The following CHSY1 variants were observed in gnomAD, a reference collection of about 807,000 sequenced individuals.
CHSY1 encodes the protein chondroitin sulfate synthase 1, also known as N-acetylgalactosaminyl-proteoglycan 3-beta-glucuronosyltransferase 1.
In CHSY1, 13 loss-of-function variants were observed where a neutral mutation model predicts 59.8. The ratio of observed to expected loss-of-function variants is 0.22; its 90% CI spans 0.14 to 0.35. The LOEUF is 0.35. CHSY1 is among the 10% of genes least tolerant of loss of function. The pLI, the probability that CHSY1 is intolerant of heterozygous loss-of-function variation, is 1.00. For missense variants in CHSY1, 947 were observed against 1,030.6 expected (o/e 0.92, Z 1.11); for synonymous variants, 459 against 401.2 (o/e 1.14, Z -1.72).
chr15:101,217,666 G>A (rs762629099), intron 2 of CHSY1, among the ~76,000 whole-genome samples: 28 of 152,070 alleles, frequency 1.8e-4, no homozygotes, highest in Non-Finnish European at 3.5e-4. Flanking sequence ...GACAAAGGTG[G>A]AACAAGTTTA....
At chr15:101,240,556 G>C (rs1039066888) in intron 1 of CHSY1, among the ~76,000 whole-genome samples, 1 of 152,234 alleles carries the variant, frequency 6.6e-6, no homozygotes, top group African/African-American at 2.4e-5. Context: ...GCTGAAACTT[G>C]AGAGTGCCAA....
chr15:101,208,726 AAAG>A (rs1235143460), intron 2 of CHSY1, among the ~76,000 whole-genome samples: 1 of 151,824 alleles, frequency 6.6e-6, no homozygotes, highest in Non-Finnish European at 1.5e-5. Context: ...AAAAAAAAAA[AAAG>A]AGATACAGAA....
chr15:101,250,586 T>C (rs2039096761), intron 1 of CHSY1, among the ~76,000 whole-genome samples: 1 of 152,254 alleles, frequency 6.6e-6, no homozygotes, highest in Non-Finnish European at 1.5e-5. Flanking sequence ...TCTCTCTCTG[T>C]ACTCAACAGA....
At chr15:101,194,149 G>A (rs1186915997) in intron 2 of CHSY1, among the ~76,000 whole-genome samples, 3 of 152,206 alleles carry the variant, frequency 2.0e-5, no homozygotes, top group East Asian at 1.9e-4. Flanking sequence ...GAGCGCCTTC[G>A]GCAGGAAAGC....
At chr15:101,239,666 G>C (rs977649416) in intron 1 of CHSY1, among the ~76,000 whole-genome samples, 8 of 152,238 alleles carry the variant, frequency 5.3e-5, no homozygotes, top group African/African-American at 1.9e-4. Context: ...ACGTGGACTA[G>C]TCAGTCTCAG....
chr15:101,177,131 TAA>T lies in CHSY1; in HGVS notation c.*255_*256del. 2.6e-6 allele frequency: 1 copy of T among 386,146 alleles called. No individual in the cohort carries two copies. The highest frequency in any genetic ancestry group is 4.6e-6 in the Non-Finnish European group (1 of 215,282). The allele number at this position is 386,146 out of a possible 1,614,324, so 23.9% of individuals were successfully genotyped here. A position where few individuals can be genotyped will look rare whatever the true frequency, so the allele number is the denominator to read the frequency against. On this transcript the variant is annotated 3_prime_UTR_variant, in exon 3 of 3. Transcript: ENST00000254190. ...AGGGTCTCAAAAGAAAACATTTTTT[TAA>T]AAAAGTTTTGTTCATCAGGTACATT...
intron 2 of CHSY1, among the ~76,000 whole-genome samples, chr15:101,214,954 C>G (rs1001073930): frequency 6.6e-6 from 1 of 152,216 alleles, no homozygotes; most frequent in Non-Finnish European, 1.5e-5. Flanking sequence ...GTTCTCTTGA[C>G]AGTGAGTTCT....
rs753652939 is a variant in CHSY1, at chr15:101,251,151, G to C, written c.306C>G (p.Ala102=). 1 of 1,590,752 alleles carries C rather than the reference G, an allele frequency of 6.3e-7. No homozygotes were observed. The highest frequency in any genetic ancestry group is 8.5e-7 in the Non-Finnish European group (1 of 1,172,636). ...CAGGGGCTCACCTGTAGGCGGCCAC[G>C]GCCCGAGTCTGCAGGTATTTCTGGG... The part of the protein sequence containing the change: ...MTAQKYLQTR[A]VAAYRTWSKT... The change falls in exon 1 of 3, where the codon GCC becomes GCG. Residue 102 remains alanine, a synonymous_variant. Transcript: ENST00000254190.
At chr15:101,188,834 C>A (rs2038405716) in intron 2 of CHSY1, among the ~76,000 whole-genome samples, 1 of 152,184 alleles carries the variant, frequency 6.6e-6, no homozygotes, top group Non-Finnish European at 1.5e-5. Flanking sequence ...TCAGCAGAGA[C>A]TGTGGTAGGA....
At chr15:101,190,427 C>G (rs971023694) in intron 2 of CHSY1, among the ~76,000 whole-genome samples, 1 of 152,166 alleles carries the variant, frequency 6.6e-6, no homozygotes, top group African/African-American at 2.4e-5. Context: ...ACTGGACATC[C>G]AAATGCAGGA....
At chr15:101,241,308 C>A (rs2038999204) in intron 1 of CHSY1, among the ~76,000 whole-genome samples, 1 of 152,218 alleles carries the variant, frequency 6.6e-6, no homozygotes, top group Non-Finnish European at 1.5e-5. Context: ...TCAGGCTGGT[C>A]TCGAACTCCT....
chr15:101,216,888 C>T (rs535293469), intron 2 of CHSY1, among the ~76,000 whole-genome samples: 130 of 152,236 alleles, frequency 8.5e-4, no homozygotes, highest in Middle Eastern at 3.4e-3. Context: ...TAAATTTTTA[C>T]GAAATCATTT....
intron 2 of CHSY1, among the ~76,000 whole-genome samples, chr15:101,224,515 G>A (rs1015616793): frequency 1.3e-5 from 2 of 152,140 alleles, no homozygotes; most frequent in Non-Finnish European, 2.9e-5. Flanking sequence ...GGCAATGACG[G>A]TTCTTAAACA....
chr15:101,184,282 T>C (rs1364394439), intron 2 of CHSY1, among the ~76,000 whole-genome samples: 1 of 152,248 alleles, frequency 6.6e-6, no homozygotes, highest in African/African-American at 2.4e-5. Context: ...TGGTAGAAGC[T>C]GTAAAACAGA....
At chr15:101,181,951 AATAAAGGAAGCTAGAGAAAAGAAAATGTT>A (rs2038286051) in intron 2 of CHSY1, among the ~76,000 whole-genome samples, 1 of 152,252 alleles carries the variant, frequency 6.6e-6, no homozygotes, top group East Asian at 1.9e-4. Flanking sequence ...GCATTCTTAC[AATAAAGGAAGCTAGAGAAAAGAAAATGTT>A]ATTAAGAAAA....
chr15:101,188,011 G>A, intron 2 of CHSY1: 1 of 984,980 alleles, frequency 1.0e-6, no homozygotes, highest in Non-Finnish European at 1.2e-6. Context: ...GTCTTCATTA[G>A]CAAATGTCCT....
At chr15:101,185,188 A>C (rs1434420899) in intron 2 of CHSY1, among the ~76,000 whole-genome samples, 2 of 152,264 alleles carry the variant, frequency 1.3e-5, no homozygotes, top group Non-Finnish European at 2.9e-5. Context: ...GGAGAGGCAG[A>C]AATCAAATAT....
intron 1 of CHSY1, among the ~76,000 whole-genome samples, chr15:101,248,806 A>T (rs2039076302): frequency 6.6e-6 from 1 of 152,094 alleles, no homozygotes; most frequent in Non-Finnish European, 1.5e-5. Flanking sequence ...CTTTTTTTTG[A>T]GACGGAGTCT....
At chr15:101,185,799 G>A (rs1228746513) in intron 2 of CHSY1, among the ~76,000 whole-genome samples, 1 of 149,358 alleles carries the variant, frequency 6.7e-6, no homozygotes, top group East Asian at 2.0e-4. Context: ...CTTTGAGGAT[G>A]CGTATTTAAG....
Sources: gnomAD v4.1 joint callset for allele counts (sites outside exome capture counted in the v4.1 genomes callset) on GRCh38, gnomAD v4.1.1 for gene constraint, MANE v1.5 for transcripts, NCBI Gene and HGNC (gene_info 2026-07-23, HGNC 2026-07-21) for gene names.